ARHGAP8: variants seen among roughly 807,000 people sequenced by gnomAD.
The protein encoded by ARHGAP8 is Rho GTPase activating protein 8.
In ARHGAP8, 62 loss-of-function variants were observed where a neutral mutation model predicts 46.1. The observed-to-expected ratio is 1.34, with a 90% confidence interval of 1.10 to 1.66. The LOEUF is 1.66. ARHGAP8 is among the 40% of genes most tolerant of loss of function. ARHGAP8 has a pLI of 0.00. For missense variants in ARHGAP8, 923 were observed against 568.4 expected (o/e 1.62, Z -6.34); for synonymous variants, 375 against 243.1 (o/e 1.54, Z -5.05).
At chr22:44,861,799 G>A (rs544210669) in intron 11 of ARHGAP8, among the ~76,000 whole-genome samples, 1 of 152,176 alleles carries the variant, frequency 6.6e-6, no homozygotes, top group African/African-American at 2.4e-5. Context: ...GGTTGCACGT[G>A]TTGGCGGAGA....
intron 7 of ARHGAP8, among the ~76,000 whole-genome samples, chr22:44,841,167 C>G (rs187447695): frequency 5.3e-4 from 81 of 152,332 alleles, no homozygotes; most frequent in African/African-American, 1.9e-3. Flanking sequence ...ATGCCAAGCA[C>G]TGATCCAAGT....
chr22:44,819,046 T>C (rs1439290216), intron 5 of ARHGAP8, among the ~76,000 whole-genome samples: 1 of 151,958 alleles, frequency 6.6e-6, no homozygotes, highest in Non-Finnish European at 1.5e-5. Flanking sequence ...GCTAGTACTG[T>C]GTTTTTTGTT....
At chr22:44,779,751 T>G (rs1427517885) in intron 1 of ARHGAP8, among the ~76,000 whole-genome samples, 1 of 151,770 alleles carries the variant, frequency 6.6e-6, no homozygotes, top group African/African-American at 2.4e-5. Context: ...GTATTTTTAG[T>G]AGAGATGGGG....
chr22:44,772,555 C>G (rs1002072009), intron 1 of ARHGAP8, among the ~76,000 whole-genome samples: 3 of 151,254 alleles, frequency 2.0e-5, no homozygotes, highest in African/African-American at 7.3e-5. Flanking sequence ...ATAGGTTGTA[C>G]TTTTTATATA....
intron 2 of ARHGAP8, among the ~76,000 whole-genome samples, chr22:44,787,376 C>T (rs1202284725): frequency 3.3e-5 from 5 of 151,328 alleles, no homozygotes; most frequent in South Asian, 4.2e-4. Context: ...GACAGGGTTT[C>T]GCTCTGTCGC....
At chr22:44,835,565 G>A (rs1280334801) in intron 7 of ARHGAP8, among the ~76,000 whole-genome samples, 1 of 152,172 alleles carries the variant, frequency 6.6e-6, no homozygotes, top group East Asian at 1.9e-4. Context: ...AGGTTGCAGT[G>A]AGCCAAGATC....
intron 6 of ARHGAP8, among the ~76,000 whole-genome samples, chr22:44,822,906 G>A (rs1930256983): frequency 6.6e-6 from 1 of 152,214 alleles, no homozygotes; most frequent in Non-Finnish European, 1.5e-5. Flanking sequence ...CTTAATTGGT[G>A]TGTCTGCTAC....
intron 1 of ARHGAP8, among the ~76,000 whole-genome samples, chr22:44,774,642 C>A (rs1438174734): frequency 2.6e-5 from 4 of 151,526 alleles, no homozygotes; most frequent in Non-Finnish European, 5.9e-5. Flanking sequence ...CCTGCCTCAG[C>A]CTCCTAAGTA....
intron 10 of ARHGAP8, among the ~76,000 whole-genome samples, chr22:44,858,106 A>C (rs911587962): frequency 6.6e-6 from 1 of 152,206 alleles, no homozygotes; most frequent in Non-Finnish European, 1.5e-5. Flanking sequence ...CAACAGCTTG[A>C]TTTCATGGAA....
intron 10 of ARHGAP8, among the ~76,000 whole-genome samples, chr22:44,853,003 T>C (rs2070134864): frequency 6.6e-6 from 1 of 152,118 alleles, no homozygotes; most frequent in African/African-American, 2.4e-5. Flanking sequence ...AGCATTTCAC[T>C]GTGTCAGCCA....
rs61552450 is a variant in ARHGAP8, at chr22:44,833,076, TTTTTC to T, written c.596+7503_596+7507del. 1.9e-3 allele frequency among the ~76,000 whole-genome samples: 245 copies of T among 130,184 alleles called. 1 individual carries two copies. Among genetic ancestry groups the T allele is most frequent in the Non-Finnish European group, 2.0e-3 (125 of 63,468 alleles). 85.4% of individuals were successfully genotyped at this position (130,184 alleles called of 152,430 possible). ...CCCTTTATCAGGTTAAGAACCATCT[TTTTTC>T]TTTTCTTTTCTTTTCTTTTTTTTTT... is the stretch of plus-strand genomic sequence containing the variant. On this transcript the variant is annotated intron_variant, in intron 7 of 11. Coordinates refer to ENST00000356099, the MANE Select transcript of ARHGAP8 (RefSeq NM_181335.3).
chr22:44,795,625 G>C (rs968681941), intron 2 of ARHGAP8, among the ~76,000 whole-genome samples: 1 of 152,114 alleles, frequency 6.6e-6, no homozygotes, highest in African/African-American at 2.4e-5. Context: ...AGACGAGGGC[G>C]GGAGGCAGAG....
intron 7 of ARHGAP8, among the ~76,000 whole-genome samples, chr22:44,829,622 T>C (rs1182439788): frequency 6.6e-6 from 1 of 152,248 alleles, no homozygotes; most frequent in Non-Finnish European, 1.5e-5. Context: ...TGCAGTTGCC[T>C]CTTTAAATTA....
chr22:44,858,579 C>T (rs1316817910), intron 10 of ARHGAP8, among the ~76,000 whole-genome samples: 1 of 124,120 alleles, frequency 8.1e-6, no homozygotes, highest in African/African-American at 3.1e-5. Flanking sequence ...CATGTTGGGT[C>T]AGGCTGGTCT....
chr22:44,773,923 G>A (rs1267297186), intron 1 of ARHGAP8, among the ~76,000 whole-genome samples: 4 of 152,202 alleles, frequency 2.6e-5, no homozygotes, highest in Non-Finnish European at 5.9e-5. Flanking sequence ...CTATAGTGAT[G>A]ATGGTTGTGA....
chr22:44,859,055 T>G (rs556428498), intron 10 of ARHGAP8, among the ~76,000 whole-genome samples: 1 of 151,326 alleles, frequency 6.6e-6, no homozygotes, highest in Non-Finnish European at 1.5e-5. Flanking sequence ...ATCTAAGCCA[T>G]GGGCCGTAGT....
Position 44,816,022 on chromosome 22 carries a change from C to T in ARHGAP8, c.386+1264C>T, listed in dbSNP as rs376169134. ...CTGCCTCTGTGAGAGGGCGGGAGGA[C>T]TCCTGGAGGGCCTCCCTAGGATGAA... On this transcript the variant is annotated intron_variant, in intron 5 of 11. Coordinates refer to ENST00000356099, the MANE Select transcript of ARHGAP8 (RefSeq NM_181335.3). 2.0e-4 allele frequency among the ~76,000 whole-genome samples: 31 copies of T among 152,234 alleles called. No homozygotes were observed. In the East Asian group the frequency reaches 4.6e-3, roughly 23 times the overall value.
At chr22:44,832,269 TAGGCTGG>T in intron 7 of ARHGAP8, among the ~76,000 whole-genome samples, 1 of 148,628 alleles carries the variant, frequency 6.7e-6, no homozygotes. Flanking sequence ...CCCTGTTGCC[TAGGCTGG>T]AGTGCAGTGG....
At chr22:44,793,643 T>G (rs1569148283) in intron 2 of ARHGAP8, among the ~76,000 whole-genome samples, 1 of 152,184 alleles carries the variant, frequency 6.6e-6, no homozygotes, top group Non-Finnish European at 1.5e-5. Flanking sequence ...CCACGCACCC[T>G]GTGGGTAATG....
Sources: gnomAD v4.1 joint callset for allele counts (sites outside exome capture counted in the v4.1 genomes callset) on GRCh38, gnomAD v4.1.1 for gene constraint, MANE v1.5 for transcripts, NCBI Gene and HGNC (gene_info 2026-07-23, HGNC 2026-07-21) for gene names.